Variants in PPP2R5A observed in about 807,000 individuals in gnomAD.
PPP2R5A encodes protein phosphatase 2 regulatory subunit B'alpha.
In PPP2R5A, 25 loss-of-function variants were observed where a neutral mutation model predicts 64.2. The ratio of observed to expected loss-of-function variants is 0.39; its 90% confidence interval spans 0.28 to 0.54. The LOEUF (loss-of-function observed/expected upper bound fraction) is 0.54. Ranked by LOEUF, PPP2R5A falls within the 20% of genes least tolerant of loss-of-function variation. The pLI, the probability that PPP2R5A is intolerant of heterozygous loss-of-function variation, is 0.67. For synonymous variants in PPP2R5A, 198 were observed against 201.2 expected (o/e 0.98, Z 0.13); for missense variants, 425 against 576.3 (o/e 0.74, Z 2.69).
rs1660077385 is a variant in PPP2R5A at position 212,361,324 on chromosome 1, TA to T, written c.*557del. 6.6e-6 allele frequency: 1 copy of T among 152,622 alleles called. No homozygotes were observed. Among genetic ancestry groups the T allele is most frequent in the Non-Finnish European group, 1.5e-5 (1 of 68,046 alleles). The allele number at this position is 152,622 out of a possible 1,614,324, so 9.5% of individuals were successfully genotyped here. ...GTACTCTGGAATTTAGGCAAAACCT[TA>T]AATCTCCAGGCTTTTTAAAGCACAA... On this transcript the variant is annotated 3_prime_UTR_variant, in exon 13 of 13. Coordinates refer to ENST00000261461, the MANE Select transcript of PPP2R5A (RefSeq NM_006243.4).
intron 1 of PPP2R5A, among the ~76,000 whole-genome samples, chr1:212,297,260 C>A (rs1416530876): frequency 6.6e-6 from 1 of 151,194 alleles, no homozygotes; most frequent in East Asian, 1.9e-4. Flanking sequence ...TAGCTGCCAC[C>A]ATACCTGGCT....
chr1:212,322,180 AAG>A (rs1659312931), intron 1 of PPP2R5A, among the ~76,000 whole-genome samples: 5 of 142,108 alleles, frequency 3.5e-5, no homozygotes, highest in Middle Eastern at 3.5e-3. Context: ...AGACCGTGGA[AAG>A]AGAGGGAGAG....
intron 1 of PPP2R5A, among the ~76,000 whole-genome samples, chr1:212,295,167 G>A (rs1658669589): frequency 6.6e-6 from 1 of 152,160 alleles, no homozygotes. Flanking sequence ...AACGTATTGG[G>A]AAATCAGAGT....
chr1:212,323,453 G>T (rs564314586), intron 1 of PPP2R5A, among the ~76,000 whole-genome samples: 2 of 152,324 alleles, frequency 1.3e-5, no homozygotes, highest in South Asian at 2.1e-4. Flanking sequence ...AATGGGTAGG[G>T]TTTATTAGGA....
chr1:212,306,616 A>G (rs1658908471), intron 1 of PPP2R5A, among the ~76,000 whole-genome samples: 1 of 151,864 alleles, frequency 6.6e-6, no homozygotes, highest in African/African-American at 2.4e-5. Flanking sequence ...ATTATTTTTC[A>G]TCTTTTTATT....
intron 1 of PPP2R5A, among the ~76,000 whole-genome samples, chr1:212,305,176 A>G (rs1410248152): frequency 6.6e-6 from 1 of 150,594 alleles, no homozygotes; most frequent in Non-Finnish European, 1.5e-5. Flanking sequence ...AGCTGGGACT[A>G]TAGGCGCCCG....
intron 7 of PPP2R5A, 53 bp downstream of exon 7, chr1:212,348,550 T>A (rs1659823368): frequency 7.9e-7 from 1 of 1,264,124 alleles, no homozygotes; most frequent in East Asian, 2.4e-5. Flanking sequence ...AAGGCCAATA[T>A]AAAGGCAGAG....
intron 1 of PPP2R5A, among the ~76,000 whole-genome samples, chr1:212,320,591 C>T (rs1167448148): frequency 6.7e-6 from 1 of 149,136 alleles, no homozygotes; most frequent in African/African-American, 2.5e-5. Flanking sequence ...CCCCCGCCTC[C>T]CTCCCGGACG....
At chr1:212,357,511 T>G in intron 11 of PPP2R5A, 1 of 362,128 alleles carries the variant, frequency 2.8e-6, no homozygotes, top group Non-Finnish European at 4.6e-6. Context: ...TTTTAAAATT[T>G]TTTTAGAGAC....
intron 2 of PPP2R5A, among the ~76,000 whole-genome samples, chr1:212,332,863 A>G (rs1659526321): frequency 6.6e-6 from 1 of 151,876 alleles, no homozygotes; most frequent in African/African-American, 2.4e-5. Flanking sequence ...TCCCTTCCTC[A>G]ATATTCTCCC....
chr1:212,354,109 G>A (rs925747037), intron 8 of PPP2R5A, among the ~76,000 whole-genome samples: 4 of 152,030 alleles, frequency 2.6e-5, no homozygotes, highest in Non-Finnish European at 4.4e-5. Context: ...GCATGAACCC[G>A]GGAGGCAGAG....
chr1:212,327,189 T>C (rs1279178364), intron 1 of PPP2R5A, among the ~76,000 whole-genome samples: 1 of 152,236 alleles, frequency 6.6e-6, no homozygotes, highest in Non-Finnish European at 1.5e-5. Context: ...AGGCATAGTT[T>C]TGTATATTAT....
chr1:212,329,468 T>G, intron 2 of PPP2R5A, 137 bp downstream of exon 2: 1 of 721,606 alleles, frequency 1.4e-6, no homozygotes. Context: ...TCATACCCCA[T>G]CCATTCCAAT....
chr1:212,294,904 A>G (rs1658664590), intron 1 of PPP2R5A, among the ~76,000 whole-genome samples: 1 of 152,214 alleles, frequency 6.6e-6, no homozygotes, highest in African/African-American at 2.4e-5. Flanking sequence ...AGGCCAAGAT[A>G]GATGGGCTAA....
intron 5 of PPP2R5A, among the ~76,000 whole-genome samples, chr1:212,346,456 T>G (rs1401606917): frequency 6.6e-6 from 1 of 152,058 alleles, no homozygotes; most frequent in Admixed American, 6.6e-5. Flanking sequence ...AATGGCACAG[T>G]ATTTGCATAT....
chr1:212,317,287 C>CA (rs963456560), intron 1 of PPP2R5A, among the ~76,000 whole-genome samples: 1 of 139,478 alleles, frequency 7.2e-6, no homozygotes, highest in Non-Finnish European at 1.6e-5. Context: ...GGGAGAAAAA[C>CA]AAAATTGCCA....
At chr1:212,311,465 CAA>C (rs879500450) in intron 1 of PPP2R5A, among the ~76,000 whole-genome samples, 1 of 117,492 alleles carries the variant, frequency 8.5e-6, no homozygotes, top group Non-Finnish European at 1.8e-5. Flanking sequence ...GACTCCGTCT[CAA>C]AAAAAAAAAA....
chr1:212,309,634 C>A (rs1215681177), intron 1 of PPP2R5A: 3 of 550,188 alleles, frequency 5.5e-6, no homozygotes, highest in Non-Finnish European at 9.7e-6. Flanking sequence ...CTCTCACAGG[C>A]AGGTTCTACA....
intron 1 of PPP2R5A, among the ~76,000 whole-genome samples, chr1:212,325,164 G>GAAAGAAATC (rs1659384755): frequency 6.6e-6 from 1 of 152,140 alleles, no homozygotes; most frequent in Non-Finnish European, 1.5e-5. Context: ...AAATCTTTTG[G>GAAAGAAATC]TGGTTGATGA....
Sources: gnomAD v4.1 joint callset for allele counts (sites outside exome capture counted in the v4.1 genomes callset) on GRCh38, gnomAD v4.1.1 for gene constraint, MANE v1.5 for transcripts, NCBI Gene and HGNC (gene_info 2026-07-23, HGNC 2026-07-21) for gene names.